The following SYN2 variants were observed in gnomAD, a reference collection of about 807,000 sequenced individuals.
SYN2 encodes synapsin-2.
SYN2 carries 19 observed loss-of-function variants against 50.9 expected under a neutral mutation model. The observed-to-expected ratio is 0.37, with a 90% CI of 0.26 to 0.55. The LOEUF (loss-of-function observed/expected upper bound fraction) is 0.55, where lower values mean the gene tolerates loss of function less well. Among genes scored for constraint, SYN2 ranks in the 20% least tolerant of loss-of-function variants. SYN2 has a pLI of 0.81. For synonymous variants in SYN2, 255 were observed against 224.9 expected (o/e 1.13, Z -1.20); for missense variants, 587 against 576.4 (o/e 1.02, Z -0.19).
intron 1 of SYN2, among the ~76,000 whole-genome samples, chr3:12,034,294 T>C (rs1694447051): frequency 6.6e-6 from 1 of 152,210 alleles, no homozygotes; most frequent in African/African-American, 2.4e-5. Flanking sequence ...ATTAATGATG[T>C]CAGCTATCTT....
chr3:12,037,825 T>C (rs1251509679), intron 1 of SYN2, among the ~76,000 whole-genome samples: 1 of 152,186 alleles, frequency 6.6e-6, no homozygotes, highest in East Asian at 1.9e-4. Context: ...TTACCATATA[T>C]ATGATTTGCA....
chr3:12,015,434 T>C (rs1574887102), intron 1 of SYN2, among the ~76,000 whole-genome samples: 1 of 152,326 alleles, frequency 6.6e-6, no homozygotes, highest in East Asian at 1.9e-4. Flanking sequence ...GTTGAACTTA[T>C]CAGTGACTTA....
chr3:12,147,245 T>G (rs1209532571), intron 4 of SYN2, among the ~76,000 whole-genome samples: 1 of 152,166 alleles, frequency 6.6e-6, no homozygotes, highest in Non-Finnish European at 1.5e-5. Flanking sequence ...AACAGATCTG[T>G]CACTTCTGAT....
intron 1 of SYN2, among the ~76,000 whole-genome samples, chr3:12,127,197 G>C (rs1005610272): frequency 6.6e-6 from 1 of 152,152 alleles, no homozygotes; most frequent in Non-Finnish European, 1.5e-5. Flanking sequence ...ACTTTTTAGA[G>C]CTTTTGAATG....
chr3:12,023,845 T>C (rs146981726), intron 1 of SYN2, among the ~76,000 whole-genome samples: 27 of 152,244 alleles, frequency 1.8e-4, no homozygotes, highest in African/African-American at 6.5e-4. Flanking sequence ...AGGTACTGGA[T>C]GTTTGAACTA....
rs145994120 is a variant in SYN2 at position 12,048,393 on chromosome 3, C to T, written c.377+43465C>T. ...ATGTTGGCCAGGCTGGTCTTGAACT[C>T]GTGAGCTCAAGTGATCCACCTGCTT... On this transcript the variant is annotated intron_variant, in intron 1 of 12. Transcript: ENST00000621198. Among the ~76,000 whole-genome samples, 1,073 of 152,276 alleles carry T rather than the reference C, an allele frequency of 7.0e-3. 12 individuals carry two copies. Among genetic ancestry groups the T allele is most frequent in the African/African-American group, 0.024 (982 of 41,554 alleles).
At position 12,191,817 on chromosome 3, in the gene SYN2, A is replaced by G. The variant is rs904788818; in HGVS notation, c.*1192A>G. On this transcript the variant is annotated 3_prime_UTR_variant, in exon 13 of 13. Transcript: ENST00000621198. ...AGCTGAGGCCCACATGGTGGTGCCAATGAGGCTGGACCAACCTGCTCTGAC... is the reference window on the plus strand; with the variant it reads ...AGCTGAGGCCCACATGGTGGTGCCAGTGAGGCTGGACCAACCTGCTCTGAC... Among the ~76,000 whole-genome samples, 2 of 152,152 alleles carry G rather than the reference A, an allele frequency of 1.3e-5. No individual in the cohort carries two copies. Among genetic ancestry groups the G allele is most frequent in the East Asian group, 1.9e-4 (1 of 5,196 alleles).
chr3:12,076,459 G>GA (rs1373008719), intron 1 of SYN2, among the ~76,000 whole-genome samples: 3 of 151,338 alleles, frequency 2.0e-5, no homozygotes, highest in Admixed American at 6.6e-5. Flanking sequence ...TGAGGATGGA[G>GA]AAAAAAATCA....
intron 12 of SYN2, among the ~76,000 whole-genome samples, chr3:12,188,267 A>G (rs1343916994): frequency 6.6e-6 from 1 of 152,142 alleles, no homozygotes; most frequent in Non-Finnish European, 1.5e-5. Flanking sequence ...GCCCCTCCAC[A>G]CTGCCCCACT....
At chr3:12,188,871 A>T (rs1357778575) in intron 12 of SYN2, among the ~76,000 whole-genome samples, 1 of 151,936 alleles carries the variant, frequency 6.6e-6, no homozygotes, top group Non-Finnish European at 1.5e-5. Context: ...AGCCAACTCT[A>T]GCCCCCGCGT....
At chr3:12,190,147 C>G (rs892227782) in intron 12 of SYN2, among the ~76,000 whole-genome samples, 1 of 152,296 alleles carries the variant, frequency 6.6e-6, no homozygotes. Context: ...TTAGTTCTTA[C>G]CAAGTTGGGA....
intron 1 of SYN2, among the ~76,000 whole-genome samples, chr3:12,090,610 T>G (rs1695806271): frequency 6.6e-6 from 1 of 152,156 alleles, no homozygotes; most frequent in Non-Finnish European, 1.5e-5. Context: ...GCTTGGCAAC[T>G]TAGAAGTAAG....
intron 1 of SYN2, among the ~76,000 whole-genome samples, chr3:12,038,166 C>G (rs894468693): frequency 6.6e-6 from 1 of 152,114 alleles, no homozygotes; most frequent in African/African-American, 2.4e-5. Context: ...GACTCTTTTT[C>G]CTCTATTGAA....
chr3:12,054,077 T>C (rs1459826635), intron 1 of SYN2, among the ~76,000 whole-genome samples: 1 of 152,156 alleles, frequency 6.6e-6, no homozygotes, highest in Non-Finnish European at 1.5e-5. Flanking sequence ...CTTATCACAC[T>C]TGCCGCTGCT....
At chr3:12,107,033 G>A (rs1696207601) in intron 1 of SYN2, among the ~76,000 whole-genome samples, 2 of 152,002 alleles carry the variant, frequency 1.3e-5, no homozygotes, top group Non-Finnish European at 1.5e-5. Flanking sequence ...GTGTGTGTGT[G>A]TGTTTGAGGG....
chr3:12,138,916 G>A (rs571679574), intron 1 of SYN2, among the ~76,000 whole-genome samples: 2 of 152,308 alleles, frequency 1.3e-5, no homozygotes, highest in East Asian at 3.9e-4. Context: ...AAGGTCTGCA[G>A]AGAAGTGATA....
intron 1 of SYN2, among the ~76,000 whole-genome samples, chr3:12,042,394 T>C (rs1033899126): frequency 2.0e-5 from 3 of 152,242 alleles, no homozygotes; most frequent in African/African-American, 7.2e-5. Context: ...GAGCCCAAGC[T>C]TCAGGTCTGT....
chr3:12,153,809 A>G, intron 5 of SYN2: 10 of 1,307,958 alleles, frequency 7.6e-6, no homozygotes, highest in South Asian at 7.4e-5. Flanking sequence ...GCCCATCTCA[A>G]ATGCCCCCTA....
chr3:12,132,840 G>T (rs992245512), intron 1 of SYN2, among the ~76,000 whole-genome samples: 1 of 152,222 alleles, frequency 6.6e-6, no homozygotes, highest in African/African-American at 2.4e-5. Flanking sequence ...GTTTTTGCCT[G>T]TTACAGCTCA....
Sources: allele counts gnomAD v4.1 joint callset (sites outside exome capture counted in the v4.1 genomes callset), GRCh38; gene constraint gnomAD v4.1.1; transcripts MANE v1.5; gene names NCBI Gene and HGNC (gene_info 2026-07-23, HGNC 2026-07-21).